Variants in VEPH1 observed in about 807,000 individuals in gnomAD.
VEPH1 encodes ventricular zone expressed PH domain containing 1, also known as ventricular zone-expressed PH domain-containing protein homolog 1.
Under a neutral mutation model 85.2 loss-of-function variants are expected in VEPH1, and 80 were observed. That is an observed-to-expected ratio of 0.94 (90% confidence interval 0.78 to 1.13). VEPH1 has a LOEUF of 1.13. Among genes scored for constraint, VEPH1 ranks in the 50% most tolerant of loss-of-function variants. The pLI is 0.00. For synonymous variants in VEPH1, 297 were observed against 348.0 expected, an observed-to-expected ratio of 0.85 and a Z score of 1.63; for missense variants, 955 against 980.5, an observed-to-expected ratio of 0.97 and a Z score of 0.35.
chr3:157,327,782 A>T (rs1722076836), intron 9 of VEPH1, among the ~76,000 whole-genome samples: 1 of 152,184 alleles, frequency 6.6e-6, no homozygotes, highest in Non-Finnish European at 1.5e-5. Context: ...TTGCTGCTTT[A>T]TGTTACTATT....
intron 3 of VEPH1, among the ~76,000 whole-genome samples, chr3:157,462,389 T>C (rs1002430853): frequency 4.6e-5 from 7 of 152,102 alleles, no homozygotes; most frequent in Non-Finnish European, 8.8e-5. Context: ...GAATTGCATA[T>C]TGTATGCATG....
chr3:157,359,827 A>C (rs1373790499), intron 9 of VEPH1, among the ~76,000 whole-genome samples: 1 of 152,234 alleles, frequency 6.6e-6, no homozygotes, highest in Non-Finnish European at 1.5e-5. Flanking sequence ...GGACCAACCT[A>C]ACATCAAAAG....
intron 4 of VEPH1, among the ~76,000 whole-genome samples, chr3:157,456,428 C>A (rs1377933739): frequency 6.6e-6 from 1 of 152,016 alleles, no homozygotes; most frequent in African/African-American, 2.4e-5. Flanking sequence ...TTGGTATCTT[C>A]TTCATGAAAT....
intron 9 of VEPH1, 44 bp from the exon 10 acceptor site, chr3:157,317,245 G>C: frequency 6.5e-7 from 1 of 1,527,400 alleles, no homozygotes; most frequent in Non-Finnish European, 8.8e-7. Flanking sequence ...GGTCTTTCCA[G>C]AGTTACACTT....
intron 5 of VEPH1, among the ~76,000 whole-genome samples, chr3:157,418,645 A>G (rs1732100921): frequency 6.6e-6 from 1 of 152,178 alleles, no homozygotes; most frequent in South Asian, 2.1e-4. Flanking sequence ...GGACCTCTTT[A>G]AGCAGAACTA....
intron 12 of VEPH1, among the ~76,000 whole-genome samples, chr3:157,266,589 A>G (rs577151955): frequency 6.6e-6 from 1 of 152,336 alleles, no homozygotes; most frequent in Non-Finnish European, 1.5e-5. Flanking sequence ...AGCATCTAAC[A>G]TGGTGCCTGG....
chr3:157,470,513 T>C lies in VEPH1; in HGVS notation c.155A>G (p.Asn52Ser), dbSNP rs779197988. Residue 52 changes from asparagine (N) to serine (S), a missense_variant, in exon 3 of 14, where the codon AAC (asparagine) becomes AGC (serine). Asn to Ser is a conservative substitution (Grantham distance 46). Coordinates refer to ENST00000362010, the MANE Select transcript of VEPH1 (RefSeq NM_001167912.2). ...ISSSSDYQTN[N>S]NDQAVVEICI... ...GATTTCAACTACTGCCTGGTCATTG[T>C]TATTGGTTTGGTAATCCTGTTTGGA... 6.2e-7 allele frequency: 1 copy of C among 1,614,178 alleles called. No homozygotes were observed. Among genetic ancestry groups the C allele is most frequent in the East Asian group, 2.2e-5 (1 of 44,888 alleles).
At chr3:157,423,026 C>CTT (rs1351425272) in intron 5 of VEPH1, among the ~76,000 whole-genome samples, 1 of 152,176 alleles carries the variant, frequency 6.6e-6, no homozygotes, top group African/African-American at 2.4e-5. Context: ...TGTTGAGCCA[C>CTT]TTTTTCCCCT....
chr3:157,388,898 T>C (rs1347081758), intron 6 of VEPH1, among the ~76,000 whole-genome samples: 1 of 152,170 alleles, frequency 6.6e-6, no homozygotes, highest in Non-Finnish European at 1.5e-5. Context: ...TGGATTTTGG[T>C]ATCCACGGGG....
chr3:157,500,398 G>T (rs1043460782), intron 1 of VEPH1, among the ~76,000 whole-genome samples: 5 of 152,170 alleles, frequency 3.3e-5, no homozygotes, highest in Admixed American at 1.3e-4. Context: ...GCTCACTAGG[G>T]TGTGTCTACT....
intron 3 of VEPH1, among the ~76,000 whole-genome samples, chr3:157,465,959 G>C (rs1736335456): frequency 6.6e-6 from 1 of 152,174 alleles, no homozygotes; most frequent in Non-Finnish European, 1.5e-5. Flanking sequence ...TCTGCTAAGT[G>C]ATTTGGCTTG....
At chr3:157,442,501 T>A (rs917731812) in intron 4 of VEPH1, 1 of 1,614,168 alleles carries the variant, frequency 6.2e-7, no homozygotes, top group Non-Finnish European at 8.5e-7. Context: ...AACAAAACCA[T>A]CCTGTTTTCC....
At chr3:157,502,716 C>A (rs190049654) in intron 1 of VEPH1, among the ~76,000 whole-genome samples, 4 of 151,804 alleles carry the variant, frequency 2.6e-5, no homozygotes, top group Admixed American at 2.6e-4. Context: ...ATTACTACAA[C>A]AATTTAAGTG....
At chr3:157,366,971 T>C (rs1726780136) in intron 7 of VEPH1, among the ~76,000 whole-genome samples, 1 of 152,118 alleles carries the variant, frequency 6.6e-6, no homozygotes. Flanking sequence ...GGAGGGTTCA[T>C]GATTATGGGC....
At chr3:157,382,516 T>A (rs1728889250) in intron 6 of VEPH1, among the ~76,000 whole-genome samples, 1 of 152,210 alleles carries the variant, frequency 6.6e-6, no homozygotes, top group Non-Finnish European at 1.5e-5. Context: ...CAATTTAAAA[T>A]ATGGCTTATT....
chr3:157,502,432 A>G (rs1162593214), intron 1 of VEPH1, among the ~76,000 whole-genome samples: 1 of 152,184 alleles, frequency 6.6e-6, no homozygotes, highest in Non-Finnish European at 1.5e-5. Flanking sequence ...TAGTGTATTC[A>G]TTTTCACCTG....
At chr3:157,349,968 G>A (rs1188274499) in intron 9 of VEPH1, among the ~76,000 whole-genome samples, 2 of 152,058 alleles carry the variant, frequency 1.3e-5, no homozygotes, top group Admixed American at 6.6e-5. Context: ...CAGATTCAAC[G>A]GAGTCACCAT....
chr3:157,409,966 T>C (rs1731414409), intron 6 of VEPH1: 1 of 978,210 alleles, frequency 1.0e-6, no homozygotes, highest in South Asian at 4.7e-5. Context: ...GTATATTATA[T>C]GCTCTGATCA....
Position 157,260,224 on chromosome 3 carries a change from T to G in VEPH1, c.*910A>C, listed in dbSNP as rs1296123502. 6.6e-6 allele frequency: 1 copy of G among 152,170 alleles called. No homozygotes were observed. Among genetic ancestry groups the G allele is most frequent in the African/African-American group, 2.4e-5 (1 of 41,456 alleles). The allele number at this position is 152,170 out of a possible 1,614,324, so 9.4% of individuals were successfully genotyped here. ...CACCCACACTCAATGGGGGAGAGGA[T>G]TATACCAAGGCATGGATTATTGAGA... On this transcript the variant is annotated 3_prime_UTR_variant, in exon 14 of 14. Transcript: ENST00000362010.
Sources: gnomAD v4.1 joint callset for allele counts (sites outside exome capture counted in the v4.1 genomes callset) on GRCh38, gnomAD v4.1.1 for gene constraint, MANE v1.5 for transcripts, NCBI Gene and HGNC (gene_info 2026-07-23, HGNC 2026-07-21) for gene names.